Variants in GPR39 observed in about 807,000 individuals in gnomAD.
The protein encoded by GPR39 is G protein-coupled receptor 39.
GPR39 carries 23 observed loss-of-function variants against 18.4 expected under a neutral mutation model. The observed-to-expected ratio is 1.25, with a 90% CI of 0.90 to 1.77. GPR39 has a LOEUF of 1.77. Ranked by LOEUF, GPR39 falls within the 40% of genes most tolerant of loss-of-function variation. GPR39 has a pLI of 0.00. For synonymous variants in GPR39, 280 were observed against 257.9 expected, an observed-to-expected ratio of 1.09 and a Z score of -0.82; for missense variants, 647 against 602.4, an observed-to-expected ratio of 1.07 and a Z score of -0.78.
In GPR39 at chr2:132,487,705, C is replaced by T. The variant is rs1681369856; in HGVS notation, c.856+69807C>T. Among the ~76,000 whole-genome samples, 6 of 151,832 alleles carry T rather than the reference C, an allele frequency of 4.0e-5. No homozygotes were observed. The South Asian group carries it at 1.2e-3, about 32-fold the overall frequency. ...ACCTAGCTTTAAAGAAGATTAGTGA[C>T]CTGAAATAAATCTAAGGAAAGTATA... is the stretch of plus-strand genomic sequence containing the variant. On this transcript the variant is annotated intron_variant, in intron 1 of 1. Coordinates refer to ENST00000329321, the MANE Select transcript of GPR39 (RefSeq NM_001508.3).
At chr2:132,613,470 G>A (rs1042996761) in intron 1 of GPR39, among the ~76,000 whole-genome samples, 5 of 152,158 alleles carry the variant, frequency 3.3e-5, no homozygotes, top group Non-Finnish European at 7.3e-5. Context: ...TCTGAGACTG[G>A]GTGTACTGCA....
At chr2:132,622,522 G>A (rs1681461289) in intron 1 of GPR39, among the ~76,000 whole-genome samples, 1 of 152,228 alleles carries the variant, frequency 6.6e-6, no homozygotes, top group South Asian at 2.1e-4. Flanking sequence ...TTGGGTTACA[G>A]TTTGGCTTTA....
Position 132,594,695 on chromosome 2 carries a change from G to T in GPR39, c.857-50406G>T, listed in dbSNP as rs113556267. ...GTTTTCACCTTTACTCTGGAGAGAT[G>T]GGGAGAGAGACACCGAGATACCTCT... On this transcript the variant is annotated intron_variant, in intron 1 of 1. Transcript: ENST00000329321. 9.9e-5 allele frequency among the ~76,000 whole-genome samples: 15 copies of T among 151,988 alleles called. 1 individual carries two copies. Among genetic ancestry groups the T allele is most frequent in the African/African-American group, 3.4e-4 (14 of 41,434 alleles).
chr2:132,509,814 G>T (rs1679207905), intron 1 of GPR39, among the ~76,000 whole-genome samples: 1 of 152,110 alleles, frequency 6.6e-6, no homozygotes, highest in Non-Finnish European at 1.5e-5. Flanking sequence ...GCTCCAATAG[G>T]TCATCCCAGC....
chr2:132,487,138 A>C (rs936985430), intron 1 of GPR39, among the ~76,000 whole-genome samples: 2 of 152,190 alleles, frequency 1.3e-5, no homozygotes, highest in Admixed American at 1.3e-4. Context: ...AACACACACA[A>C]CATTCATTAA....
chr2:132,421,237 G>A (rs1267917941), intron 1 of GPR39, among the ~76,000 whole-genome samples: 5 of 152,170 alleles, frequency 3.3e-5, no homozygotes. Context: ...AATGCAGATA[G>A]CATCCAGGTC....
rs955680653 is a variant in GPR39 at position 132,459,564 on chromosome 2, A to G, written c.856+41666A>G. Reference sequence around the variant, plus strand: ...TGTGTATATTCCTTTTTGTCTAAATAATAGGGCATTTAGGGACATGGTCTG... The same window carrying G: ...TGTGTATATTCCTTTTTGTCTAAATGATAGGGCATTTAGGGACATGGTCTG... On this transcript the variant is annotated intron_variant, in intron 1 of 1. Coordinates refer to ENST00000329321, the MANE Select transcript of GPR39 (RefSeq NM_001508.3). Among the ~76,000 whole-genome samples, 3 of 152,154 alleles carry G rather than the reference A, an allele frequency of 2.0e-5. No individual in the cohort carries two copies. In the South Asian group the frequency reaches 6.2e-4, roughly 31 times the overall value.
chr2:132,604,909 G>T lies in GPR39; in HGVS notation c.857-40192G>T, dbSNP rs185977531. The stretch of plus-strand genomic sequence containing the variant: ...GATACGTGGATGGCTGGATATAGAA[G>T]GTAAGAAATGAAACTACATAACAAT... On this transcript the variant is annotated intron_variant, in intron 1 of 1. Transcript: ENST00000329321. 3 of 152,312 alleles carry T rather than the reference G, an allele frequency of 2.0e-5. No homozygotes were observed. In the East Asian group the frequency reaches 5.8e-4, roughly 29 times the overall value. The allele number at this position is 152,312 out of a possible 1,614,324, so 9.4% of individuals were successfully genotyped here. A position where few individuals can be genotyped will look rare whatever the true frequency, so the allele number is the denominator to read the frequency against.
In GPR39 at chr2:132,492,513, AC is replaced by A. The variant is rs1023170232; in HGVS notation, c.856+74617del. On this transcript the variant is annotated intron_variant, in intron 1 of 1. Coordinates refer to ENST00000329321, the MANE Select transcript of GPR39 (RefSeq NM_001508.3). ...TACACCATATATACACACCATATATACCATATATATACACCATATATATACA... is the reference window on the plus strand; with the variant it reads ...TACACCATATATACACACCATATATACATATATATACACCATATATATACA... 5.3e-4 allele frequency among the ~76,000 whole-genome samples: 65 copies of A among 122,308 alleles called. 1 individual carries two copies. The highest frequency in any genetic ancestry group is 3.3e-3 in the Admixed American group (34 of 10,260). 80.2% of individuals were successfully genotyped at this position (122,308 alleles called of 152,430 possible).
At chr2:132,610,427 A>C (rs1416593370) in intron 1 of GPR39, among the ~76,000 whole-genome samples, 1 of 152,178 alleles carries the variant, frequency 6.6e-6, no homozygotes, top group Non-Finnish European at 1.5e-5. Context: ...CTCATGTAAC[A>C]TCCAAAGTGA....
At chr2:132,581,381 A>G (rs1680620378) in intron 1 of GPR39, among the ~76,000 whole-genome samples, 7 of 151,392 alleles carry the variant, frequency 4.6e-5, no homozygotes, top group Admixed American at 4.6e-4. Context: ...TAAATTTAGC[A>G]AAACTCTTAG....
chr2:132,424,457 G>A (rs910716779), intron 1 of GPR39, among the ~76,000 whole-genome samples: 10 of 152,200 alleles, frequency 6.6e-5, no homozygotes, highest in African/African-American at 2.4e-4. Context: ...GGACAAAGGT[G>A]TTGTGGATCC....
intron 1 of GPR39, among the ~76,000 whole-genome samples, chr2:132,513,306 A>G (rs932701145): frequency 1.3e-5 from 2 of 148,894 alleles, no homozygotes; most frequent in African/African-American, 4.9e-5. Context: ...CTACTAAAAT[A>G]CAAAAAATTA....
chr2:132,645,012 C>T (rs1031459447), intron 1 of GPR39, 89 bp from the exon 2 acceptor site: 49 of 1,446,030 alleles, frequency 3.4e-5, no homozygotes, highest in Non-Finnish European at 4.5e-5. Flanking sequence ...AACAGAGGGG[C>T]TAAATATTTT....
intron 1 of GPR39, among the ~76,000 whole-genome samples, chr2:132,542,024 A>G (rs971571573): frequency 2.0e-5 from 3 of 152,140 alleles, no homozygotes; most frequent in African/African-American, 7.2e-5. Flanking sequence ...GGCCTCTTCT[A>G]TAAGGGCACT....
chr2:132,541,094 ATTTT>A (rs1237327526), intron 1 of GPR39, among the ~76,000 whole-genome samples: 1 of 151,612 alleles, frequency 6.6e-6, no homozygotes, highest in East Asian at 2.0e-4. Flanking sequence ...TATTGTTATT[ATTTT>A]TTTGAGATGG....
chr2:132,473,649 C>T (rs1366483687), intron 1 of GPR39, among the ~76,000 whole-genome samples: 1 of 152,166 alleles, frequency 6.6e-6, no homozygotes. Context: ...TTTTATCTAA[C>T]TTATCAGTTA....
chr2:132,569,211 CAA>C (rs567960342), intron 1 of GPR39, among the ~76,000 whole-genome samples: 5 of 152,030 alleles, frequency 3.3e-5, no homozygotes, highest in Admixed American at 1.3e-4. Flanking sequence ...GAAAGAATAA[CAA>C]GAGAGATGTT....
At chr2:132,622,614 T>G (rs1287082086) in intron 1 of GPR39, among the ~76,000 whole-genome samples, 1 of 152,238 alleles carries the variant, frequency 6.6e-6, no homozygotes, top group African/African-American at 2.4e-5. Flanking sequence ...CTGAAAAAGC[T>G]GGATACCGCG....
Sources: allele counts gnomAD v4.1 joint callset (sites outside exome capture counted in the v4.1 genomes callset), GRCh38; gene constraint gnomAD v4.1.1; transcripts MANE v1.5; gene names NCBI Gene and HGNC (gene_info 2026-07-23, HGNC 2026-07-21).